The following CDKAL1 variants were observed in gnomAD, a reference collection of about 807,000 sequenced individuals.
CDKAL1 encodes threonylcarbamoyladenosine tRNA methylthiotransferase.
In CDKAL1, 32 loss-of-function variants were observed where a neutral mutation model predicts 68.2. The ratio of observed to expected loss-of-function variants is 0.47; its 90% confidence interval spans 0.35 to 0.63. CDKAL1 has a LOEUF of 0.63. Among genes scored for constraint, CDKAL1 ranks in the 30% least tolerant of loss-of-function variants. The pLI is 0.00. For synonymous variants in CDKAL1, 234 were observed against 244.3 expected, an observed-to-expected ratio of 0.96 and a Z score of 0.39; for missense variants, 606 against 696.7, an observed-to-expected ratio of 0.87 and a Z score of 1.47.
chr6:20,544,408 T>C (rs960980921), intron 2 of CDKAL1, among the ~76,000 whole-genome samples: 2 of 151,468 alleles, frequency 1.3e-5, no homozygotes, highest in Non-Finnish European at 2.9e-5. Context: ...CCATCCTGGC[T>C]AACACGGTGA....
intron 6 of CDKAL1, among the ~76,000 whole-genome samples, chr6:20,746,935 A>G (rs918632944): frequency 3.7e-4 from 57 of 152,076 alleles, no homozygotes; most frequent in African/African-American, 1.3e-3. Context: ...ATGTAATTAG[A>G]TCTCTAGACT....
At chr6:21,111,190 G>A (rs1774104026) in intron 13 of CDKAL1, among the ~76,000 whole-genome samples, 1 of 152,098 alleles carries the variant, frequency 6.6e-6, no homozygotes, top group South Asian at 2.1e-4. Flanking sequence ...TGTTGTGACG[G>A]TTTGCCTCTC....
Position 21,231,462 on chromosome 6 carries a change from C to G in CDKAL1, c.*423C>G, listed in dbSNP as rs1414876734. On this transcript the variant is annotated 3_prime_UTR_variant, in exon 16 of 16. Coordinates refer to ENST00000274695, the MANE Select transcript of CDKAL1 (RefSeq NM_017774.3). The stretch of plus-strand genomic sequence containing the variant: ...TTTCCAGATGGAGTTTCGCTCTTGT[C>G]CCCCAGGCTGGAGTGGTGCAGTGGC... 1 of 152,678 alleles carries G rather than the reference C, an allele frequency of 6.5e-6. No homozygotes were observed. The highest frequency in any genetic ancestry group is 2.4e-5 in the African/African-American group (1 of 41,350). 9.5% of individuals were successfully genotyped at this position (152,678 alleles called of 1,614,324 possible).
intron 10 of CDKAL1, among the ~76,000 whole-genome samples, chr6:20,983,442 C>T (rs745384199): frequency 1.5e-4 from 23 of 152,142 alleles, no homozygotes; most frequent in Admixed American, 1.3e-4. Flanking sequence ...CAATATAGGC[C>T]GGGTGCAGTG....
chr6:20,574,445 G>A (rs1010775144), intron 4 of CDKAL1, among the ~76,000 whole-genome samples: 14 of 152,112 alleles, frequency 9.2e-5, no homozygotes, highest in East Asian at 7.7e-4. Context: ...ATTTTCTTTG[G>A]TGAAAAGTAG....
rs34456723 is a variant in CDKAL1, at chr6:21,192,810, C to CT, written c.1300-5190dup. Among the ~76,000 whole-genome samples the CT allele has an allele frequency of 3.8e-3, 476 of 124,840 alleles. 2 individuals carry two copies. Among genetic ancestry groups the CT allele is most frequent in the East Asian group, 0.018 (78 of 4,398 alleles). 81.9% of individuals were successfully genotyped at this position (124,840 alleles called of 152,430 possible). ...CAAGAAAATACTTTGTTGAGAGTTC[C>CT]TTTTTTTTTTTTTTTTTTTTTAGAG... On this transcript the variant is annotated intron_variant, in intron 13 of 15. Coordinates refer to ENST00000274695, the MANE Select transcript of CDKAL1 (RefSeq NM_017774.3).
intron 8 of CDKAL1, among the ~76,000 whole-genome samples, chr6:20,794,865 C>T (rs1022605626): frequency 5.9e-5 from 9 of 151,974 alleles, no homozygotes; most frequent in Non-Finnish European, 7.4e-5. Context: ...TTGTGGTCTG[C>T]AAGACATCAT....
intron 12 of CDKAL1, among the ~76,000 whole-genome samples, chr6:21,081,730 C>T (rs1342379925): frequency 1.3e-5 from 2 of 151,834 alleles, no homozygotes; most frequent in Non-Finnish European, 2.9e-5. Flanking sequence ...CGCCACCACA[C>T]CTGGCTAATT....
intron 4 of CDKAL1, among the ~76,000 whole-genome samples, chr6:20,603,339 G>A (rs1411222327): frequency 6.6e-6 from 1 of 152,148 alleles, no homozygotes; most frequent in Non-Finnish European, 1.5e-5. Context: ...CCATAGGTTG[G>A]GAACAAGCAG....
At chr6:21,148,634 T>C (rs888751185) in intron 13 of CDKAL1, among the ~76,000 whole-genome samples, 1 of 152,194 alleles carries the variant, frequency 6.6e-6, no homozygotes, top group Non-Finnish European at 1.5e-5. Flanking sequence ...TTTCTTTTTT[T>C]TACTAGTAAC....
intron 8 of CDKAL1, among the ~76,000 whole-genome samples, chr6:20,842,921 T>C (rs1561823202): frequency 6.6e-6 from 1 of 152,226 alleles, no homozygotes; most frequent in Non-Finnish European, 1.5e-5. Flanking sequence ...TTTTTTGAAT[T>C]CTTCATGTAA....
At chr6:20,857,309 G>C (rs1188218277) in intron 9 of CDKAL1, among the ~76,000 whole-genome samples, 2 of 152,112 alleles carry the variant, frequency 1.3e-5, no homozygotes, top group Non-Finnish European at 2.9e-5. Flanking sequence ...TTTAACCTGT[G>C]ACAATATAAT....
intron 13 of CDKAL1, among the ~76,000 whole-genome samples, chr6:21,185,511 T>A (rs1028426379): frequency 7.9e-5 from 12 of 152,226 alleles, no homozygotes; most frequent in African/African-American, 2.7e-4. Context: ...CATGCTCACC[T>A]ACAATCTCGA....
chr6:20,890,371 G>T (rs762366611), intron 9 of CDKAL1, among the ~76,000 whole-genome samples: 1 of 152,180 alleles, frequency 6.6e-6, no homozygotes, highest in Non-Finnish European at 1.5e-5. Flanking sequence ...CCTCTCTAGT[G>T]ATAAAATCAT....
intron 11 of CDKAL1, among the ~76,000 whole-genome samples, chr6:21,028,426 A>G (rs990519308): frequency 1.4e-4 from 21 of 152,164 alleles, no homozygotes; most frequent in African/African-American, 4.6e-4. Context: ...AGAGGCTGCA[A>G]GTCCCAGATC....
At chr6:20,976,941 G>A (rs1765873660) in intron 10 of CDKAL1, among the ~76,000 whole-genome samples, 1 of 152,170 alleles carries the variant, frequency 6.6e-6, no homozygotes, top group Non-Finnish European at 1.5e-5. Flanking sequence ...CAACTATTGT[G>A]AGTAAAGCTT....
chr6:21,051,373 C>CA (rs1218408957), intron 11 of CDKAL1, among the ~76,000 whole-genome samples: 2 of 151,900 alleles, frequency 1.3e-5, no homozygotes, highest in African/African-American at 4.8e-5. Flanking sequence ...GACCATGTCT[C>CA]AAAAAAATAG....
intron 10 of CDKAL1, among the ~76,000 whole-genome samples, chr6:20,979,444 A>G (rs113598473): frequency 0.02 from 3,054 of 152,264 alleles, 112 homozygotes; most frequent in African/African-American, 0.069. Flanking sequence ...TTTAGTAGGC[A>G]GGGTTGGCTT....
intron 9 of CDKAL1, among the ~76,000 whole-genome samples, chr6:20,872,829 A>G (rs1478219406): frequency 2.0e-5 from 3 of 152,188 alleles, no homozygotes; most frequent in African/African-American, 7.2e-5. Context: ...TGGTTATTGG[A>G]AAGGATGGGT....
Sources: gnomAD v4.1 joint callset for allele counts (sites outside exome capture counted in the v4.1 genomes callset) on GRCh38, gnomAD v4.1.1 for gene constraint, MANE v1.5 for transcripts, NCBI Gene and HGNC (gene_info 2026-07-23, HGNC 2026-07-21) for gene names.